ARHGEF3: variants seen among roughly 807,000 people sequenced by gnomAD.
ARHGEF3 encodes the protein 59.8 kDA protein.
Under a neutral mutation model 63.2 loss-of-function variants are expected in ARHGEF3, and 28 were observed. The ratio of observed to expected loss-of-function variants is 0.44; its 90% CI spans 0.33 to 0.61. The LOEUF (loss-of-function observed/expected upper bound fraction) is 0.61. Ranked by LOEUF, ARHGEF3 falls within the 20% of genes least tolerant of loss-of-function variation. The pLI, the probability that ARHGEF3 is intolerant of heterozygous loss-of-function variation, is 0.03. For synonymous variants in ARHGEF3, 266 were observed against 254.2 expected (o/e 1.05, Z -0.44); for missense variants, 533 against 659.3 (o/e 0.81, Z 2.10).
intron 3 of ARHGEF3, among the ~76,000 whole-genome samples, chr3:56,911,977 A>G (rs961247943): frequency 4.6e-5 from 7 of 151,494 alleles, no homozygotes; most frequent in Non-Finnish European, 8.8e-5. Flanking sequence ...ACATATATAT[A>G]TACACACATA....
chr3:57,006,002 C>T (rs939143594), intron 2 of ARHGEF3, among the ~76,000 whole-genome samples: 6 of 152,304 alleles, frequency 3.9e-5, no homozygotes, highest in Middle Eastern at 3.4e-3. Flanking sequence ...AGCCTTCAAG[C>T]CTATAATTAA....
chr3:56,866,263 C>T (rs2040245435), intron 4 of ARHGEF3, among the ~76,000 whole-genome samples: 1 of 152,186 alleles, frequency 6.6e-6, no homozygotes, highest in Non-Finnish European at 1.5e-5. Context: ...TCAGCACCTC[C>T]TGTTTAGTTT....
At position 57,069,212 on chromosome 3, in the gene ARHGEF3, C is replaced by T. The variant is rs564341060; in HGVS notation, c.-28+10014G>A. Among the ~76,000 whole-genome samples, 8 of 152,280 alleles carry T rather than the reference C, an allele frequency of 5.3e-5. No homozygotes were observed. The South Asian group carries it at 1.2e-3, about 24-fold the overall frequency. ...CTAGGATTACAGGCGTGAGCCACCACGCCTGGCCTAGATCTGAGATTTTGA... is the reference window on the plus strand; with the variant it reads ...CTAGGATTACAGGCGTGAGCCACCATGCCTGGCCTAGATCTGAGATTTTGA... On this transcript the variant is annotated intron_variant, in intron 1 of 12. Transcript: ENST00000338458.
At chr3:57,011,067 G>A (rs1218151764) in intron 2 of ARHGEF3, among the ~76,000 whole-genome samples, 1 of 152,198 alleles carries the variant, frequency 6.6e-6, no homozygotes, top group Non-Finnish European at 1.5e-5. Context: ...CGCTTCCATA[G>A]TTAGTGGGAG....
At position 57,029,895 on chromosome 3, in the gene ARHGEF3, A is replaced by C. The variant is rs570898368; in HGVS notation, c.62+5193T>G. Among the ~76,000 whole-genome samples the C allele has an allele frequency of 1.3e-3, 191 of 152,152 alleles. 1 individual carries two copies. The highest frequency in any genetic ancestry group is 4.4e-3 in the African/African-American group (184 of 41,522). On this transcript the variant is annotated intron_variant, in intron 2 of 12. Transcript: ENST00000338458. ...TCAAGGTCAGCAGCTAAACCTCTGGAGGGTGGGGGAAGCAGAGCAGGTCCC... is the reference window on the plus strand; with the variant it reads ...TCAAGGTCAGCAGCTAAACCTCTGGCGGGTGGGGGAAGCAGAGCAGGTCCC...
intron 4 of ARHGEF3, among the ~76,000 whole-genome samples, chr3:56,851,843 A>C (rs1397683209): frequency 6.6e-6 from 1 of 152,236 alleles, no homozygotes; most frequent in African/African-American, 2.4e-5. Flanking sequence ...TCCCAGGCTC[A>C]AGTGATCCAC....
At chr3:56,960,936 T>C (rs563677527) in intron 2 of ARHGEF3, 2 of 152,340 alleles carry the variant, frequency 1.3e-5, no homozygotes, top group Admixed American at 6.5e-5. Flanking sequence ...TCCTAACTAT[T>C]TGATGGAATT....
chr3:56,918,877 A>G (rs957244334), intron 3 of ARHGEF3, among the ~76,000 whole-genome samples: 1 of 152,228 alleles, frequency 6.6e-6, no homozygotes, highest in Non-Finnish European at 1.5e-5. Context: ...CATTCGAACC[A>G]CACAGAAGTA....
At chr3:56,794,286 G>A (rs889915462) in intron 1 of ARHGEF3, among the ~76,000 whole-genome samples, 2 of 151,952 alleles carry the variant, frequency 1.3e-5, no homozygotes, top group African/African-American at 2.4e-5. Flanking sequence ...TCAGGAGTTC[G>A]AGACCAGCCT....
chr3:56,801,818 C>T lies in ARHGEF3; in HGVS notation c.-20G>A. Reference sequence around the variant, plus strand: ...CACCATGGCGGCTGCCGGGCCTGCCCTTTGGGATGTCACCGCTGACCCTAG... The same window carrying T: ...CACCATGGCGGCTGCCGGGCCTGCCTTTTGGGATGTCACCGCTGACCCTAG... On this transcript the variant is annotated 5_prime_UTR_variant, in exon 1 of 10. Coordinates refer to ENST00000296315, the MANE Select transcript of ARHGEF3 (RefSeq NM_019555.3). The T allele has an allele frequency of 6.4e-7, 1 of 1,554,482 alleles. No individual in the cohort carries two copies. Among genetic ancestry groups the T allele is most frequent in the Non-Finnish European group, 8.7e-7 (1 of 1,148,162 alleles).
At chr3:56,937,977 AGGTCG>A (rs1698983519) in intron 3 of ARHGEF3, among the ~76,000 whole-genome samples, 1 of 152,218 alleles carries the variant, frequency 6.6e-6, no homozygotes, top group South Asian at 2.1e-4. Context: ...ATGAAATGTT[AGGTCG>A]AATCAGCCCT....
intron 1 of ARHGEF3, among the ~76,000 whole-genome samples, chr3:56,797,658 C>G (rs1168649982): frequency 6.6e-6 from 1 of 152,148 alleles, no homozygotes; most frequent in African/African-American, 2.4e-5. Context: ...TCAAGAAGTA[C>G]AGCCCGAGGT....
chr3:56,839,348 T>A (rs115879885), intron 4 of ARHGEF3, among the ~76,000 whole-genome samples: 5 of 152,296 alleles, frequency 3.3e-5, no homozygotes, highest in African/African-American at 1.2e-4. Flanking sequence ...TGAATTTTTT[T>A]ATTTTCATTT....
chr3:56,872,201 T>C (rs1174613507), intron 4 of ARHGEF3, among the ~76,000 whole-genome samples: 3 of 152,182 alleles, frequency 2.0e-5, no homozygotes, highest in African/African-American at 2.4e-5. Flanking sequence ...GGGGTGTTCA[T>C]AGGTTTTGCA....
chr3:57,004,972 A>T (rs866794634), intron 2 of ARHGEF3, among the ~76,000 whole-genome samples: 7 of 134,688 alleles, frequency 5.2e-5, no homozygotes, highest in Non-Finnish European at 1.1e-4. Context: ...AAATAAATAA[A>T]TATATATATA....
intron 3 of ARHGEF3, among the ~76,000 whole-genome samples, chr3:56,902,833 C>T (rs561080218): frequency 8.5e-5 from 13 of 152,270 alleles, no homozygotes; most frequent in African/African-American, 2.6e-4. Flanking sequence ...CAGCTTAATG[C>T]CTCAGACTGG....
intron 1 of ARHGEF3, chr3:56,775,785 C>T: frequency 4.6e-6 from 2 of 430,456 alleles, no homozygotes; most frequent in Non-Finnish European, 5.8e-6. Context: ...AATACACACA[C>T]ACACACACGC....
At chr3:56,787,156 C>T (rs753509082) in intron 1 of ARHGEF3, among the ~76,000 whole-genome samples, 1 of 152,080 alleles carries the variant, frequency 6.6e-6, no homozygotes, top group Non-Finnish European at 1.5e-5. Flanking sequence ...GTAAAGGTTT[C>T]CCAAGCACTG....
intron 3 of ARHGEF3, among the ~76,000 whole-genome samples, chr3:56,931,802 T>C (rs1316431785): frequency 6.6e-6 from 1 of 152,138 alleles, no homozygotes; most frequent in Non-Finnish European, 1.5e-5. Context: ...GGCACCACCA[T>C]TCAGCTACCT....
Sources: allele counts gnomAD v4.1 joint callset (sites outside exome capture counted in the v4.1 genomes callset), GRCh38; gene constraint gnomAD v4.1.1; transcripts MANE v1.5; gene names NCBI Gene and HGNC (gene_info 2026-07-23, HGNC 2026-07-21).